Variants in GALNS observed in about 807,000 individuals in gnomAD.
The protein encoded by GALNS is N-acetylgalactosamine-6-sulfatase.
A neutral mutation model predicts 65.9 loss-of-function variants in GALNS; 65 were observed. That is an observed-to-expected ratio of 0.99 (90% CI 0.81 to 1.21). GALNS has a LOEUF of 1.21. Among genes scored for constraint, GALNS ranks in the 50% most tolerant of loss-of-function variants. The probability of loss-of-function intolerance (pLI) is 0.00; values close to 1 mark genes in which losing one functional copy is unlikely to be tolerated. For missense variants in GALNS, 776 were observed against 700.7 expected (o/e 1.11, Z -1.21); for synonymous variants, 346 against 288.9 (o/e 1.20, Z -2.00).
At chr16:88,826,169 G>C (rs1910875728) in intron 10 of GALNS, among the ~76,000 whole-genome samples, 1 of 137,614 alleles carries the variant, frequency 7.3e-6, no homozygotes, top group Admixed American at 7.5e-5. Context: ...GTGTGCCCGG[G>C]CTACAGACAG....
At chr16:88,845,515 G>A (rs1164337814) in intron 1 of GALNS, 1 of 152,228 alleles carries the variant, frequency 6.6e-6, no homozygotes, top group South Asian at 2.1e-4. Context: ...TTGGGAGGCC[G>A]AGGTAGGCGG....
chr16:88,836,021 G>C (rs185330707), intron 6 of GALNS, among the ~76,000 whole-genome samples, 172 bp from the exon 7 acceptor site: 1 of 151,556 alleles, frequency 6.6e-6, no homozygotes, highest in Non-Finnish European at 1.5e-5. Flanking sequence ...CACGGGGCGA[G>C]GATGGTGCGG....
intron 1 of GALNS, chr16:88,843,170 T>A (rs1967067831): frequency 7.2e-7 from 1 of 1,388,438 alleles, no homozygotes; most frequent in East Asian, 3.8e-5. Flanking sequence ...ATCTGCATGC[T>A]CGCAGGAGCT....
chr16:88,828,784 A>C (rs1288509248), intron 9 of GALNS, among the ~76,000 whole-genome samples: 1 of 152,190 alleles, frequency 6.6e-6, no homozygotes, highest in East Asian at 1.9e-4. Context: ...CCCACTACGC[A>C]TGGAGCCGGG....
intron 2 of GALNS, chr16:88,842,186 C>G (rs1048134167): frequency 1.5e-6 from 1 of 652,446 alleles, no homozygotes; most frequent in African/African-American, 1.8e-5. Context: ...CCCTTGGGCC[C>G]TGCAGCTCAG....
In GALNS at chr16:88,841,883, G is replaced by A. The variant is rs530422825; in HGVS notation, c.319+14C>T. On this transcript the variant is annotated intron_variant, in intron 3 of 13. Transcript: ENST00000268695. ...GCACCCCAAGGGTGTCCCTGGAGGC[G>A]GTGGGCAGCCTACCGTTTCTGGCAT... is the stretch of plus-strand genomic sequence containing the variant. 2.8e-5 allele frequency: 45 copies of A among 1,610,190 alleles called. No individual in the cohort carries two copies. The Middle Eastern group carries it at 6.6e-4, about 24-fold the overall frequency.
chr16:88,822,350 G>A (rs1034254158), intron 12 of GALNS, among the ~76,000 whole-genome samples: 2 of 152,208 alleles, frequency 1.3e-5, no homozygotes, highest in East Asian at 3.9e-4. Context: ...ACATCACTGG[G>A]GGCCAGGTGG....
At chr16:88,842,023 C>T (rs1236506141) in intron 2 of GALNS, 52 bp from the exon 3 acceptor site, 1 of 1,525,364 alleles carries the variant, frequency 6.6e-7, no homozygotes. Context: ...GTGGCTCAGA[C>T]CCCGGGCGTC....
intron 1 of GALNS, chr16:88,855,525 G>T (rs1407703238): frequency 4.3e-6 from 3 of 702,458 alleles, no homozygotes; most frequent in Non-Finnish European, 7.8e-6. Flanking sequence ...AGCAGTCACT[G>T]CACACAAATA....
intron 4 of GALNS, among the ~76,000 whole-genome samples, chr16:88,840,152 G>T (rs1391572962): frequency 1.3e-5 from 2 of 152,212 alleles, no homozygotes; most frequent in Non-Finnish European, 2.9e-5. Flanking sequence ...CTCATCTGAA[G>T]AATGATGAAG....
chr16:88,826,949 T>C (rs1360244799), intron 9 of GALNS, 111 bp from the exon 10 acceptor site: 14 of 1,283,190 alleles, frequency 1.1e-5, no homozygotes, highest in Middle Eastern at 2.6e-4. Flanking sequence ...TCTACAGATA[T>C]GCATACATGC....
At chr16:88,818,601 G>A (rs1384016715) in intron 12 of GALNS, among the ~76,000 whole-genome samples, 1 of 152,248 alleles carries the variant, frequency 6.6e-6, no homozygotes, top group Non-Finnish European at 1.5e-5. Context: ...AAGCTGCGGA[G>A]TGTTTGGATT....
At chr16:88,824,204 A>G (rs1488228711) in intron 11 of GALNS, among the ~76,000 whole-genome samples, 2 of 151,942 alleles carry the variant, frequency 1.3e-5, no homozygotes, top group African/African-American at 2.4e-5. Flanking sequence ...GCTGGAGCGT[A>G]GGGGTCAGCA....
intron 13 of GALNS, chr16:88,816,794 G>C (rs1909673587): frequency 3.0e-6 from 3 of 985,496 alleles, no homozygotes; most frequent in South Asian, 4.7e-5. Context: ...AGAGGCTTCA[G>C]CTGGGCCTTT....
chr16:88,834,181 G>A (rs1911820569), intron 8 of GALNS, among the ~76,000 whole-genome samples: 1 of 152,260 alleles, frequency 6.6e-6, no homozygotes, highest in African/African-American at 2.4e-5. Context: ...CTGGTGGGAC[G>A]TGGCGCGAGG....
At position 88,835,212 on chromosome 16, in the gene GALNS, C is replaced by G. The variant is rs761850746; in HGVS notation, c.898+1G>C. On this transcript the variant is annotated splice_donor_variant, in intron 8 of 13. Transcript: ENST00000268695. LOFTEE classifies it high-confidence loss of function. The stretch of plus-strand genomic sequence containing the variant: ...CGTGAGAAGTGACAGCGAGCACTCA[C>G]CTTGTTCGGGGGCGGAAATGAGGGC... 1 of 1,579,636 alleles carries G rather than the reference C, an allele frequency of 6.3e-7. No individual in the cohort carries two copies. Among genetic ancestry groups the G allele is most frequent in the Non-Finnish European group, 8.6e-7 (1 of 1,161,396 alleles).
At chr16:88,828,395 G>C (rs1231506465) in intron 9 of GALNS, among the ~76,000 whole-genome samples, 4 of 152,220 alleles carry the variant, frequency 2.6e-5, no homozygotes, top group Non-Finnish European at 4.4e-5. Context: ...AGCTGCGGCT[G>C]TGGGAGAAGT....
chr16:88,832,087 G>A lies in GALNS; in HGVS notation c.913C>T (p.Pro305Ser), dbSNP rs752649096. 1.2e-6 allele frequency: 2 copies of A among 1,613,780 alleles called. No homozygotes were observed. Among genetic ancestry groups the A allele is most frequent in the Non-Finnish European group, 1.7e-6 (2 of 1,179,868 alleles). ...GTGGTCTGCTTCCCACACAGAAAGG[G>A]GCCGTTGCTGCCACCTGGGAGAGAG... is the stretch of plus-strand genomic sequence containing the variant. ...SAPEQGGSNGPFLCGKQTTFE... is the reference protein window; with the variant it reads ...SAPEQGGSNGSFLCGKQTTFE... The change falls in exon 9 of 14, where the codon CCC (proline) becomes TCC (serine). Residue 305 changes from proline to serine, a missense_variant. Coordinates refer to ENST00000268695, the MANE Select transcript of GALNS (RefSeq NM_000512.5).
rs189062171 is a variant in GALNS, at chr16:88,849,378, G to C, written c.121-6549C>G. Among the ~76,000 whole-genome samples, 1,024 of 152,272 alleles carry C rather than the reference G, an allele frequency of 6.7e-3. 15 individuals carry two copies. The highest frequency in any genetic ancestry group is 0.023 in the African/African-American group (959 of 41,550). Reference sequence around the variant, plus strand: ...TGGCTCACTGCAACCTCCGGCTCTTGGGTTCAAGCAATTCGCCTGCCTCAG... The same window carrying C: ...TGGCTCACTGCAACCTCCGGCTCTTCGGTTCAAGCAATTCGCCTGCCTCAG... On this transcript the variant is annotated intron_variant, in intron 1 of 13. Transcript: ENST00000268695.
Sources: gnomAD v4.1 joint callset for allele counts (sites outside exome capture counted in the v4.1 genomes callset) on GRCh38, gnomAD v4.1.1 for gene constraint, MANE v1.5 for transcripts, NCBI Gene and HGNC (gene_info 2026-07-23, HGNC 2026-07-21) for gene names.